Variants in KLF12 observed in about 807,000 individuals in gnomAD.
The protein encoded by KLF12 is KLF transcription factor 12, also known as Krueppel-like factor 12.
In KLF12, 9 loss-of-function variants were observed where a neutral mutation model predicts 37.8. The observed-to-expected ratio is 0.24, with a 90% CI of 0.14 to 0.42. The LOEUF is 0.42. Among genes scored for constraint, KLF12 ranks in the 10% least tolerant of loss-of-function variants. The pLI, the probability that KLF12 is intolerant of heterozygous loss-of-function variation, is 1.00. For missense variants in KLF12, 411 were observed against 516.0 expected (o/e 0.80, Z 1.97); for synonymous variants, 208 against 202.1 (o/e 1.03, Z -0.25).
chr13:73,957,925 G>C (rs761795627), intron 2 of KLF12, among the ~76,000 whole-genome samples: 5 of 152,208 alleles, frequency 3.3e-5, no homozygotes, highest in African/African-American at 7.2e-5. Flanking sequence ...ATCCTTTCTA[G>C]AAGATCGTAC....
intron 2 of KLF12, among the ~76,000 whole-genome samples, chr13:73,962,816 T>C (rs1348065475): frequency 6.6e-6 from 1 of 152,206 alleles, no homozygotes; most frequent in Non-Finnish European, 1.5e-5. Context: ...GTACTATAAT[T>C]AATATTTAGA....
At chr13:73,817,333 AG>A (rs1883284412) in intron 4 of KLF12, among the ~76,000 whole-genome samples, 3 of 132,260 alleles carry the variant, frequency 2.3e-5, no homozygotes, top group African/African-American at 7.9e-5. Context: ...AAAAAAGAAA[AG>A]AAAAAAAAGA....
At position 74,111,214 on chromosome 13, in the gene KLF12, T is replaced by G. The variant is rs537584566; in HGVS notation, c.-32+22525A>C. ...TAAGTTATATCAAAAATTAACCTTT[T>G]GCATTAGCAAATTTTATTGATTCAC... On this transcript the variant is annotated intron_variant, in intron 1 of 7. Coordinates refer to ENST00000377669, the MANE Select transcript of KLF12 (RefSeq NM_007249.5). 6.3e-4 allele frequency among the ~76,000 whole-genome samples: 96 copies of G among 152,152 alleles called. 1 individual carries two copies. Among genetic ancestry groups the G allele is most frequent in the African/African-American group, 2.3e-3 (96 of 41,546 alleles).
At chr13:73,891,545 A>G (rs1257888715) in intron 3 of KLF12, among the ~76,000 whole-genome samples, 1 of 152,150 alleles carries the variant, frequency 6.6e-6, no homozygotes, top group Non-Finnish European at 1.5e-5. Context: ...AGAATCATGG[A>G]AAACAACAAG....
chr13:73,956,515 C>A (rs1156431813), intron 2 of KLF12, among the ~76,000 whole-genome samples: 1 of 152,182 alleles, frequency 6.6e-6, no homozygotes, highest in African/African-American at 2.4e-5. Context: ...TCAGTTGTAA[C>A]CATCAAAAAT....
chr13:74,243,728 A>G, the KLF12 span, among the ~76,000 whole-genome samples: 1 of 152,022 alleles, frequency 6.6e-6, no homozygotes, highest in Non-Finnish European at 1.5e-5. Context: ...TTTTATTCAT[A>G]TGTTTGTTGG....
intron 4 of KLF12, among the ~76,000 whole-genome samples, chr13:73,836,074 A>G (rs1481308853): frequency 6.6e-6 from 1 of 152,208 alleles, no homozygotes; most frequent in Non-Finnish European, 1.5e-5. Context: ...TTGGTCTTGA[A>G]AAACACATAC....
At chr13:73,761,751 G>A (rs910643149) in intron 6 of KLF12, among the ~76,000 whole-genome samples, 8 of 152,100 alleles carry the variant, frequency 5.3e-5, no homozygotes, top group African/African-American at 1.9e-4. Flanking sequence ...TTAATTTACA[G>A]GGCCCCAGCC....
chr13:74,072,026 T>G (rs564044991), intron 1 of KLF12, among the ~76,000 whole-genome samples: 3 of 152,106 alleles, frequency 2.0e-5, no homozygotes, highest in Admixed American at 1.3e-4. Context: ...TCATACTATA[T>G]AGAATACTGG....
At chr13:73,834,789 G>T (rs763036118) in intron 4 of KLF12, among the ~76,000 whole-genome samples, 1 of 152,204 alleles carries the variant, frequency 6.6e-6, no homozygotes, top group Admixed American at 6.5e-5. Flanking sequence ...TGAAATTACA[G>T]GCGTGAGCCA....
intron 1 of KLF12, among the ~76,000 whole-genome samples, chr13:74,009,544 T>C (rs1216226529): frequency 6.6e-6 from 1 of 152,208 alleles, no homozygotes; most frequent in Non-Finnish European, 1.5e-5. Context: ...GGAAGTGCTA[T>C]GCCGGATTGT....
intron 3 of KLF12, among the ~76,000 whole-genome samples, chr13:73,870,208 C>T (rs1480772662): frequency 6.6e-6 from 1 of 152,182 alleles, no homozygotes. Flanking sequence ...TTATTCAGAA[C>T]ATAATCAGAG....
intron 2 of KLF12, among the ~76,000 whole-genome samples, chr13:73,969,038 A>G (rs946469972): frequency 5.3e-5 from 8 of 152,152 alleles, no homozygotes. Flanking sequence ...TTAAAAAAAA[A>G]AAAAAAACCT....
chr13:74,162,076 G>C, the KLF12 span, among the ~76,000 whole-genome samples: 4 of 152,108 alleles, frequency 2.6e-5, no homozygotes, highest in Admixed American at 2.0e-4. Flanking sequence ...TGGAACACTG[G>C]AAAAGTGGCA....
chr13:73,962,573 T>C (rs1891052563), intron 2 of KLF12, among the ~76,000 whole-genome samples: 1 of 152,188 alleles, frequency 6.6e-6, no homozygotes, highest in Admixed American at 6.5e-5. Context: ...AGGTTGCGTA[T>C]GTGTAGGGAT....
chr13:73,822,225 T>C (rs895732688), intron 4 of KLF12, among the ~76,000 whole-genome samples: 5 of 152,246 alleles, frequency 3.3e-5, no homozygotes, highest in African/African-American at 1.2e-4. Flanking sequence ...GTCACAATCA[T>C]TAAATTTCTA....
intron 3 of KLF12, among the ~76,000 whole-genome samples, chr13:73,912,754 A>G (rs796934097): frequency 2.6e-5 from 4 of 152,348 alleles, no homozygotes; most frequent in African/African-American, 9.6e-5. Flanking sequence ...GGAAGCTTAT[A>G]CATAGGCTAA....
intron 6 of KLF12, among the ~76,000 whole-genome samples, chr13:73,721,400 C>T (rs9573282): frequency 0.63 from 96,322 of 152,052 alleles, 30,977 homozygotes; most frequent in East Asian, 0.73. Context: ...CAACAGCACA[C>T]ATAAGTGTTA....
intron 1 of KLF12, among the ~76,000 whole-genome samples, chr13:74,000,999 G>A (rs1331575675): frequency 6.6e-6 from 1 of 152,148 alleles, no homozygotes; most frequent in Non-Finnish European, 1.5e-5. Context: ...TTTTGTCTTT[G>A]TATGTCTAAT....
Sources: gnomAD v4.1 joint callset for allele counts (sites outside exome capture counted in the v4.1 genomes callset) on GRCh38, gnomAD v4.1.1 for gene constraint, MANE v1.5 for transcripts, NCBI Gene and HGNC (gene_info 2026-07-23, HGNC 2026-07-21) for gene names.